MDFIC2: variants seen among roughly 807,000 people sequenced by gnomAD.
MDFIC2 encodes MyoD family inhibitor domain containing 2.
At chr3:70,262,633 G>A (rs986951481) in intron 2 of MDFIC2, among the ~76,000 whole-genome samples, 1 of 152,168 alleles carries the variant, frequency 6.6e-6, no homozygotes, top group African/African-American at 2.4e-5. Flanking sequence ...TTCAAAGCAA[G>A]CAGTCATTGA....
At chr3:70,283,909 A>C (rs375627814) in intron 2 of MDFIC2, 23 of 152,246 alleles carry the variant, frequency 1.5e-4, no homozygotes, top group Admixed American at 5.9e-4. Context: ...TATTTAATAC[A>C]TGTGCTATTA....
At chr3:70,201,496 G>A (rs543862106) in intron 3 of MDFIC2, among the ~76,000 whole-genome samples, 2 of 152,206 alleles carry the variant, frequency 1.3e-5, no homozygotes, top group East Asian at 3.9e-4. Flanking sequence ...CAAATTTTGT[G>A]CAGGCCTCCA....
At chr3:70,229,473 T>G (rs1388227897) in intron 2 of MDFIC2, among the ~76,000 whole-genome samples, 1 of 152,212 alleles carries the variant, frequency 6.6e-6, no homozygotes, top group African/African-American at 2.4e-5. Context: ...ACTTGCTTCC[T>G]TTTTCTGGGC....
intron 2 of MDFIC2, among the ~76,000 whole-genome samples, chr3:70,214,772 T>C (rs921509278): frequency 5.9e-5 from 9 of 152,118 alleles, no homozygotes; most frequent in African/African-American, 2.2e-4. Flanking sequence ...TTGAATCTTC[T>C]TCAGACATGA....
intron 2 of MDFIC2, among the ~76,000 whole-genome samples, chr3:70,262,983 T>C (rs1608098): frequency 0.13 from 19,351 of 152,242 alleles, 1,329 homozygotes; most frequent in East Asian, 0.23. Flanking sequence ...CTGTTAATAC[T>C]ATCCAGGGAA....
In MDFIC2 at chr3:70,195,048, G is replaced by A. The variant is rs546580093; in HGVS notation, c.*1878C>T. 7.9e-5 allele frequency among the ~76,000 whole-genome samples: 12 copies of A among 152,314 alleles called. No individual in the cohort carries two copies. The highest frequency in any genetic ancestry group is 2.2e-4 in the African/African-American group (9 of 41,576). On this transcript the variant is annotated 3_prime_UTR_variant, in exon 4 of 4. Transcript: ENST00000567252. ...TACCAGCTGGACTGAGAATTGGGTA[G>A]TGCAGGTAGTCAGAAAATTAGAACC...
intron 2 of MDFIC2, among the ~76,000 whole-genome samples, chr3:70,305,407 G>A (rs953051940): frequency 6.6e-6 from 1 of 151,976 alleles, no homozygotes. Flanking sequence ...ATGCTATTTG[G>A]GAAGTTAACA....
chr3:70,240,483 C>G (rs1047265117), intron 2 of MDFIC2, among the ~76,000 whole-genome samples: 2 of 151,974 alleles, frequency 1.3e-5, no homozygotes, highest in Admixed American at 1.3e-4. Context: ...AAGTTGGACC[C>G]TAACTAAAAA....
intron 2 of MDFIC2, among the ~76,000 whole-genome samples, chr3:70,207,288 A>G (rs906602638): frequency 1.3e-5 from 2 of 152,112 alleles, no homozygotes; most frequent in Non-Finnish European, 2.9e-5. Flanking sequence ...TGAATAGTCT[A>G]TAAGCTCATT....
chr3:70,270,826 T>C (rs139485744), intron 2 of MDFIC2, among the ~76,000 whole-genome samples: 17 of 151,580 alleles, frequency 1.1e-4, no homozygotes, highest in African/African-American at 3.4e-4. Context: ...TAAGTGGGAG[T>C]TGAGCAATTA....
chr3:70,226,761 G>A lies in MDFIC2; in HGVS notation c.89-19971C>T, dbSNP rs1180282033. ...TTAAAAAAAAAAAAAAAAAAATAGT[G>A]TGCAATTTCCAGGTGGCAATTAAAA... On this transcript the variant is annotated intron_variant, in intron 2 of 3. Transcript: ENST00000567252. Among the ~76,000 whole-genome samples, 5 of 149,088 alleles carry A rather than the reference G, an allele frequency of 3.4e-5. No homozygotes were observed. In the South Asian group the frequency reaches 6.4e-4, roughly 19 times the overall value.
chr3:70,197,416 A>G (rs1222794386), intron 3 of MDFIC2, among the ~76,000 whole-genome samples: 1 of 152,170 alleles, frequency 6.6e-6, no homozygotes, highest in African/African-American at 2.4e-5. Context: ...GATTCGACAT[A>G]ATCTGGTTAT....
intron 2 of MDFIC2, among the ~76,000 whole-genome samples, chr3:70,279,779 G>A (rs1702063435): frequency 6.6e-6 from 1 of 152,110 alleles, no homozygotes; most frequent in African/African-American, 2.4e-5. Flanking sequence ...TTCCTTCCAT[G>A]GGCTGTTCTG....
At chr3:70,300,443 A>G (rs1435428786) in intron 2 of MDFIC2, among the ~76,000 whole-genome samples, 2 of 152,112 alleles carry the variant, frequency 1.3e-5, no homozygotes, top group Admixed American at 1.3e-4. Flanking sequence ...CAATAAAAAT[A>G]TAGTTAGAAG....
At chr3:70,286,138 C>T (rs938052091) in intron 2 of MDFIC2, among the ~76,000 whole-genome samples, 2 of 152,194 alleles carry the variant, frequency 1.3e-5, no homozygotes, top group Non-Finnish European at 2.9e-5. Context: ...TTGCCCATGC[C>T]TATGTCCTGA....
intron 2 of MDFIC2, among the ~76,000 whole-genome samples, chr3:70,285,710 C>G (rs201493069): frequency 0.046 from 6,839 of 150,284 alleles, 231 homozygotes; most frequent in African/African-American, 0.083. Context: ...CACATCCTCT[C>G]CAGCACCTGT....
At position 70,206,570 on chromosome 3, in the gene MDFIC2, A is replaced by T. The variant is rs961206007; in HGVS notation, c.309T>A (p.Asp103Glu). 1.5e-5 allele frequency: 6 copies of T among 397,596 alleles called. No homozygotes were observed. 24.6% of individuals were successfully genotyped at this position (397,596 alleles called of 1,614,324 possible). A position where few individuals can be genotyped will look rare whatever the true frequency, so the allele number is the denominator to read the frequency against. Residue 103 changes from aspartate (D) to glutamate (E), a missense_variant and splice_region_variant, in exon 3 of 4, where the codon GAT becomes GAA. By Grantham distance (45) the Asp-to-Glu change is conservative (BLOSUM62 2). Coordinates refer to ENST00000567252, the MANE Select transcript of MDFIC2 (RefSeq NM_001364677.1). ...TDTSVHHRDT[D>E]EECASLILAC... ...TGGGTTGAATTCTGAGAAACATACCATCAGTGTCTCTGTGATGAACTGAAG... is the reference window on the plus strand; with the variant it reads ...TGGGTTGAATTCTGAGAAACATACCTTCAGTGTCTCTGTGATGAACTGAAG...
In MDFIC2 at chr3:70,212,999, C is replaced by T. The variant is rs145329697; in HGVS notation, c.89-6209G>A. On this transcript the variant is annotated intron_variant, in intron 2 of 3. Coordinates refer to ENST00000567252, the MANE Select transcript of MDFIC2 (RefSeq NM_001364677.1). The stretch of plus-strand genomic sequence containing the variant: ...ATTATTTGTATTTTGTGCAGAGACT[C>T]GGTTTCACCATGCTGCCTGGGCTGG... Among the ~76,000 whole-genome samples the T allele has an allele frequency of 4.3e-4, 65 of 152,062 alleles. 1 individual carries two copies. In the East Asian group the frequency reaches 0.011, roughly 27 times the overall value.
At chr3:70,236,570 G>C (rs1414461789) in intron 2 of MDFIC2, among the ~76,000 whole-genome samples, 1 of 152,020 alleles carries the variant, frequency 6.6e-6, no homozygotes, top group Non-Finnish European at 1.5e-5. Context: ...TCCTTTTGGG[G>C]CCTGTAAATT....
Sources: gnomAD v4.1 joint callset for allele counts (sites outside exome capture counted in the v4.1 genomes callset) on GRCh38, gnomAD v4.1.1 for gene constraint, MANE v1.5 for transcripts, NCBI Gene and HGNC (gene_info 2026-07-23, HGNC 2026-07-21) for gene names.